IGF2BP2: variants seen among roughly 807,000 people sequenced by gnomAD.
The protein encoded by IGF2BP2 is insulin-like growth factor 2 mRNA-binding protein 2.
Under a neutral mutation model 75.8 loss-of-function variants are expected in IGF2BP2, and 17 were observed. The observed-to-expected ratio is 0.22, with a 90% CI of 0.15 to 0.34. The LOEUF is 0.34. IGF2BP2 is among the 10% of genes least tolerant of loss of function. The pLI, the probability that IGF2BP2 is intolerant of heterozygous loss-of-function variation, is 1.00. For missense variants in IGF2BP2, 516 were observed against 772.4 expected (o/e 0.67, Z 3.93); for synonymous variants, 288 against 295.6 (o/e 0.97, Z 0.26).
chr3:185,751,182 G>A (rs535932894), intron 2 of IGF2BP2, among the ~76,000 whole-genome samples: 2 of 152,244 alleles, frequency 1.3e-5, no homozygotes, highest in South Asian at 2.1e-4. Flanking sequence ...CACTGCCTCC[G>A]GCCAAAAAAT....
chr3:185,783,588 C>T (rs1163185523), intron 2 of IGF2BP2, among the ~76,000 whole-genome samples: 1 of 152,198 alleles, frequency 6.6e-6, no homozygotes, highest in Non-Finnish European at 1.5e-5. Flanking sequence ...TCTTTATCAC[C>T]TTATGTAAAA....
rs547226048 is a variant in IGF2BP2, at chr3:185,786,078, T to C, written c.239+37075A>G. ...CATTATCGCTCCCCTAATGAGCTAA[T>C]TAAACTTTTTTTTTTTCAAATCGCT... On this transcript the variant is annotated intron_variant, in intron 2 of 15. Transcript: ENST00000382199. 1.7e-3 allele frequency among the ~76,000 whole-genome samples: 238 copies of C among 136,520 alleles called. 1 individual carries two copies. Among genetic ancestry groups the C allele is most frequent in the African/African-American group, 6.8e-3 (226 of 33,384 alleles). The allele number at this position is 136,520 out of a possible 152,430, so 89.6% of individuals were successfully genotyped here.
Position 185,647,899 on chromosome 3 carries a change from G to A in IGF2BP2, c.1594-761C>T, listed in dbSNP as rs886216696. Among the ~76,000 whole-genome samples, 2 of 152,240 alleles carry A rather than the reference G, an allele frequency of 1.3e-5. No homozygotes were observed. Among genetic ancestry groups the A allele is most frequent in the Admixed American group, 6.5e-5 (1 of 15,288 alleles). ...TTTAGGGGAAACCTGAAAGTCTGGAGGATGCAGAGAATTCAGTGACTGGTT... is the reference window on the plus strand; with the variant it reads ...TTTAGGGGAAACCTGAAAGTCTGGAAGATGCAGAGAATTCAGTGACTGGTT... On this transcript the variant is annotated intron_variant, in intron 14 of 15. Transcript: ENST00000382199. This position sits in a 1 kb window ranked among gnomAD's most constrained non-coding sequence, Gnocchi z 4.9.
chr3:185,694,160 T>C (rs146323569), intron 4 of IGF2BP2, among the ~76,000 whole-genome samples: 97 of 152,318 alleles, frequency 6.4e-4, no homozygotes, highest in African/African-American at 2.2e-3. Flanking sequence ...GGAGTGTTCA[T>C]AGCACGCTTT....
At chr3:185,762,044 TTTG>T (rs1560429087) in intron 2 of IGF2BP2, among the ~76,000 whole-genome samples, 1 of 152,122 alleles carries the variant, frequency 6.6e-6, no homozygotes, top group East Asian at 1.9e-4. Flanking sequence ...CTTGTTAGTA[TTTG>T]TTTTGTTAGT....
chr3:185,752,482 C>T (rs1035243837), intron 2 of IGF2BP2, among the ~76,000 whole-genome samples: 57 of 152,236 alleles, frequency 3.7e-4, no homozygotes, highest in African/African-American at 1.4e-3. Context: ...TGAAACATTT[C>T]CCCCTAATTT....
At chr3:185,740,809 C>G (rs1368336540) in intron 2 of IGF2BP2, among the ~76,000 whole-genome samples, 1 of 152,214 alleles carries the variant, frequency 6.6e-6, no homozygotes, top group Non-Finnish European at 1.5e-5. Context: ...GTGGTCTATA[C>G]TCACTCAAGG....
chr3:185,668,506 G>GATATATATATATAT (rs1221304712), intron 10 of IGF2BP2, among the ~76,000 whole-genome samples: 3 of 128,006 alleles, frequency 2.3e-5, no homozygotes, highest in Non-Finnish European at 5.0e-5. Context: ...GAGAGAGAGA[G>GATATATATATATAT]AGATATATAT....
At chr3:185,810,955 G>A (rs1040003470) in intron 2 of IGF2BP2, among the ~76,000 whole-genome samples, 16 of 151,940 alleles carry the variant, frequency 1.1e-4, no homozygotes, top group African/African-American at 3.9e-4. Flanking sequence ...AGATTGATGT[G>A]GAAACCTGCT....
chr3:185,696,400 G>A (rs1043807166), intron 4 of IGF2BP2: 9 of 548,872 alleles, frequency 1.6e-5, no homozygotes, highest in Non-Finnish European at 2.9e-5. Flanking sequence ...AATATTCCTC[G>A]AAAAGGCAAA....
intron 4 of IGF2BP2, 58 bp from the exon 5 acceptor site, chr3:185,692,820 T>A: frequency 6.7e-7 from 1 of 1,484,876 alleles, no homozygotes; most frequent in Non-Finnish European, 9.4e-7. Context: ...CCCTCTGGCT[T>A]AATGTAAACA....
At chr3:185,677,278 G>T (rs559317518) in intron 7 of IGF2BP2, among the ~76,000 whole-genome samples, 1 of 151,894 alleles carries the variant, frequency 6.6e-6, no homozygotes, top group Non-Finnish European at 1.5e-5. Flanking sequence ...TCTGGAAGGT[G>T]CCAGAAAAAC....
At chr3:185,822,411 ATG>A (rs1417796287) in intron 2 of IGF2BP2, among the ~76,000 whole-genome samples, 8 of 152,194 alleles carry the variant, frequency 5.3e-5, no homozygotes, top group Non-Finnish European at 1.0e-4. Flanking sequence ...TTAAACAAAG[ATG>A]TTTTCTCTTC....
intron 2 of IGF2BP2, among the ~76,000 whole-genome samples, chr3:185,751,911 C>T (rs956673936): frequency 2.0e-5 from 3 of 151,898 alleles, no homozygotes; most frequent in South Asian, 2.1e-4. Flanking sequence ...TGCAGTGAGC[C>T]GAGATCGTGC....
At position 185,714,025 on chromosome 3, in the gene IGF2BP2, A is replaced by G. The variant is rs973777847; in HGVS notation, c.240-15678T>C. Among the ~76,000 whole-genome samples the G allele has an allele frequency of 3.9e-5, 6 of 152,350 alleles. No individual in the cohort carries two copies. The South Asian group carries it at 1.2e-3, about 32-fold the overall frequency. ...CCAAGTACTGTATATTCTTTGCACA[A>G]AATTCAAAATGTACCAAAGAATAGA... On this transcript the variant is annotated intron_variant, in intron 2 of 15. Transcript: ENST00000382199.
rs922836736 is a variant in IGF2BP2 at position 185,765,230 on chromosome 3, C to A, written c.239+57923G>T. Among the ~76,000 whole-genome samples, 5 of 152,258 alleles carry A rather than the reference C, an allele frequency of 3.3e-5. No individual in the cohort carries two copies. The East Asian group carries it at 7.7e-4, about 24-fold the overall frequency. On this transcript the variant is annotated intron_variant, in intron 2 of 15. Coordinates refer to ENST00000382199, the MANE Select transcript of IGF2BP2 (RefSeq NM_006548.6). The stretch of plus-strand genomic sequence containing the variant: ...ACTTCTGCTCTACACACTGTTTCCC[C>A]CTCCGTCCCTCCCATCCAGCTATAT...
chr3:185,740,936 G>T (rs566713498), intron 2 of IGF2BP2, among the ~76,000 whole-genome samples: 2 of 152,334 alleles, frequency 1.3e-5, no homozygotes, highest in African/African-American at 4.8e-5. Context: ...GGAGTGCGGT[G>T]GCGCGATCTC....
chr3:185,771,435 G>A (rs1216314536), intron 2 of IGF2BP2, among the ~76,000 whole-genome samples: 3 of 139,146 alleles, frequency 2.2e-5, no homozygotes, highest in Non-Finnish European at 3.1e-5. Context: ...GTAAGACTTC[G>A]TCTCAAAAAA....
At chr3:185,808,738 T>TTTG (rs1463195749) in intron 2 of IGF2BP2, among the ~76,000 whole-genome samples, 1 of 151,348 alleles carries the variant, frequency 6.6e-6, no homozygotes, top group Non-Finnish European at 1.5e-5. Context: ...TTTTTTTTTT[T>TTTG]TATCATTTTA....
Sources: allele counts gnomAD v4.1 joint callset (sites outside exome capture counted in the v4.1 genomes callset), GRCh38; gene constraint gnomAD v4.1.1; non-coding constraint Gnocchi (gnomAD v3.1); transcripts MANE v1.5; gene names NCBI Gene and HGNC (gene_info 2026-07-23, HGNC 2026-07-21).